Variants in CDH13 observed in about 807,000 individuals in gnomAD.
CDH13 encodes cadherin-13.
In CDH13, 24 loss-of-function variants were observed where a neutral mutation model predicts 63.8. The observed-to-expected ratio is 0.38, with a 90% CI of 0.27 to 0.53. The LOEUF is 0.53. Among genes scored for constraint, CDH13 ranks in the 20% least tolerant of loss-of-function variants. CDH13 has a pLI of 0.85. For missense variants in CDH13, 1,049 were observed against 903.1 expected (o/e 1.16, Z -2.07); for synonymous variants, 503 against 355.3 (o/e 1.42, Z -4.67).
chr16:82,767,698 CT>C (rs2035108425), intron 1 of CDH13, among the ~76,000 whole-genome samples: 1 of 152,216 alleles, frequency 6.6e-6, no homozygotes, highest in South Asian at 2.1e-4. Context: ...CAATCCCAAA[CT>C]TTTCCAAAGT....
At chr16:83,608,459 T>C (rs1908552180) in intron 8 of CDH13, among the ~76,000 whole-genome samples, 1 of 152,086 alleles carries the variant, frequency 6.6e-6, no homozygotes, top group Non-Finnish European at 1.5e-5. Context: ...GCCTCAAGTA[T>C]CTTCTTTTCC....
At chr16:83,508,610 A>G (rs2074479889) in intron 7 of CDH13, among the ~76,000 whole-genome samples, 1 of 152,164 alleles carries the variant, frequency 6.6e-6, no homozygotes, top group Non-Finnish European at 1.5e-5. Context: ...GGAATAGGAC[A>G]ACTTCGAGAT....
intron 7 of CDH13, among the ~76,000 whole-genome samples, chr16:83,516,317 C>T (rs988358099): frequency 6.6e-6 from 1 of 152,026 alleles, no homozygotes; most frequent in Non-Finnish European, 1.5e-5. Context: ...GTGGGGGCAC[C>T]CTATAATTTT....
At chr16:83,722,756 T>C (rs1274579141) in intron 10 of CDH13, among the ~76,000 whole-genome samples, 2 of 152,202 alleles carry the variant, frequency 1.3e-5, no homozygotes, top group Non-Finnish European at 2.9e-5. Context: ...TGCTGAGCTA[T>C]TTGGAAACCA....
chr16:83,180,951 G>A (rs1241548992), intron 4 of CDH13: 3 of 1,531,098 alleles, frequency 2.0e-6, no homozygotes, highest in Admixed American at 3.9e-5. Flanking sequence ...TACAATTTTA[G>A]CAATTTAATG....
Position 82,798,206 on chromosome 16 carries a change from C to T in CDH13, c.46-60156C>T, listed in dbSNP as rs1027354397. 5.9e-5 allele frequency among the ~76,000 whole-genome samples: 9 copies of T among 152,114 alleles called. No homozygotes were observed. The East Asian group carries it at 9.6e-4, about 16-fold the overall frequency. ...CGTCTCATTTAATCAGAAAAATGAC[C>T]GCTTGCAGTGGATATCATCCTCTCC... is the stretch of plus-strand genomic sequence containing the variant. On this transcript the variant is annotated intron_variant, in intron 1 of 13. Coordinates refer to ENST00000567109, the MANE Select transcript of CDH13 (RefSeq NM_001257.5).
chr16:83,533,793 G>A (rs1282479763), intron 7 of CDH13, among the ~76,000 whole-genome samples: 1 of 151,538 alleles, frequency 6.6e-6, no homozygotes, highest in Non-Finnish European at 1.5e-5. Flanking sequence ...GCTAATTTTT[G>A]CATTTTTAGT....
At chr16:83,304,446 T>C (rs1230336098) in intron 5 of CDH13, among the ~76,000 whole-genome samples, 2 of 152,096 alleles carry the variant, frequency 1.3e-5, no homozygotes, top group African/African-American at 4.8e-5. Flanking sequence ...TGTTTTTTTT[T>C]CTGGGATTTT....
At position 82,644,867 on chromosome 16, in the gene CDH13, A is replaced by G. The variant is rs1208687032; in HGVS notation, c.45+17730A>G. On this transcript the variant is annotated intron_variant, in intron 1 of 13. Transcript: ENST00000567109. This position sits in a 1 kb window ranked among gnomAD's most constrained non-coding sequence, Gnocchi z 5.7. ...GTTTTGCAAAATGTGTTCTGAAGAG[A>G]TACTGGTTCCATGGGAGGTTAATAT... is the stretch of plus-strand genomic sequence containing the variant. Among the ~76,000 whole-genome samples the G allele has an allele frequency of 6.6e-6, 1 of 152,208 alleles. No homozygotes were observed. The highest frequency in any genetic ancestry group is 6.5e-5 in the Admixed American group (1 of 15,278).
At chr16:83,390,743 A>T (rs1246072872) in intron 6 of CDH13, among the ~76,000 whole-genome samples, 1 of 152,210 alleles carries the variant, frequency 6.6e-6, no homozygotes, top group African/African-American at 2.4e-5. Flanking sequence ...AACCTTAGAC[A>T]TGCATCAGAA....
At chr16:82,742,434 C>G (rs866159975) in intron 1 of CDH13, among the ~76,000 whole-genome samples, 1 of 152,086 alleles carries the variant, frequency 6.6e-6, no homozygotes, top group African/African-American at 2.4e-5. Context: ...GTAACTTGTA[C>G]TGTTAACTGG....
chr16:83,104,872 G>A (rs2034687689), intron 3 of CDH13, among the ~76,000 whole-genome samples: 1 of 152,164 alleles, frequency 6.6e-6, no homozygotes, highest in African/African-American at 2.4e-5. Flanking sequence ...CTGAAAAATG[G>A]ACCAAATCGA....
intron 8 of CDH13, among the ~76,000 whole-genome samples, chr16:83,644,256 C>T (rs548822605): frequency 1.3e-5 from 2 of 152,170 alleles, no homozygotes; most frequent in African/African-American, 2.4e-5. Flanking sequence ...TCCAATATAA[C>T]GGATTTCCCT....
At chr16:83,504,782 C>T (rs1314869377) in intron 7 of CDH13, among the ~76,000 whole-genome samples, 1 of 152,104 alleles carries the variant, frequency 6.6e-6, no homozygotes, top group African/African-American at 2.4e-5. Flanking sequence ...AGAGTAGTGG[C>T]TTCAAGGAAT....
intron 1 of CDH13, among the ~76,000 whole-genome samples, chr16:82,685,803 A>C (rs1915008656): frequency 6.6e-6 from 1 of 152,138 alleles, no homozygotes; most frequent in Non-Finnish European, 1.5e-5. Context: ...CAAGTCTAGA[A>C]TGTTCCACTC....
intron 4 of CDH13, among the ~76,000 whole-genome samples, chr16:83,147,435 C>G (rs2036797617): frequency 6.6e-6 from 1 of 152,134 alleles, no homozygotes; most frequent in African/African-American, 2.4e-5. Context: ...TCAGGGCTCC[C>G]TATGACGTAA....
At chr16:83,504,997 G>C (rs985155488) in intron 7 of CDH13, among the ~76,000 whole-genome samples, 1 of 152,130 alleles carries the variant, frequency 6.6e-6, no homozygotes, top group Non-Finnish European at 1.5e-5. Flanking sequence ...GGAGTGAAAA[G>C]AGAGGATGGG....
intron 1 of CDH13, among the ~76,000 whole-genome samples, chr16:82,814,184 C>T (rs1024057147): frequency 6.6e-6 from 1 of 152,218 alleles, no homozygotes; most frequent in East Asian, 1.9e-4. Flanking sequence ...AACCCAGTTC[C>T]TGGCAGACAG....
intron 7 of CDH13, among the ~76,000 whole-genome samples, chr16:83,537,546 C>G (rs2075217275): frequency 6.6e-6 from 1 of 152,128 alleles, no homozygotes; most frequent in African/African-American, 2.4e-5. Flanking sequence ...ACCATTTGCT[C>G]ACACTCTGGC....
Sources: gnomAD v4.1 joint callset for allele counts (sites outside exome capture counted in the v4.1 genomes callset) on GRCh38, gnomAD v4.1.1 for gene constraint, Gnocchi (gnomAD v3.1) non-coding constraint, MANE v1.5 for transcripts, NCBI Gene and HGNC (gene_info 2026-07-23, HGNC 2026-07-21) for gene names.